JMJD1C: variants seen among roughly 807,000 people sequenced by gnomAD.
JMJD1C encodes jumonji domain containing 1C.
In JMJD1C, 31 loss-of-function variants were observed where a neutral mutation model predicts 245.3. The ratio of observed to expected loss-of-function variants is 0.13; its 90% CI spans 0.09 to 0.17. JMJD1C has a LOEUF of 0.17. JMJD1C is among the 10% of genes least tolerant of loss of function. JMJD1C has a pLI of 1.00. For synonymous variants in JMJD1C, 1,057 were observed against 1,017.4 expected, an observed-to-expected ratio of 1.04 and a Z score of -0.74; for missense variants, 2,691 against 3,000.2, an observed-to-expected ratio of 0.90 and a Z score of 2.41.
At position 63,291,391 on chromosome 10, in the gene JMJD1C, C is replaced by T. The variant is rs187827710; in HGVS notation, c.334-26627G>A. Among the ~76,000 whole-genome samples, 398 of 148,126 alleles carry T rather than the reference C, an allele frequency of 2.7e-3. 3 individuals carry two copies. The South Asian group carries it at 0.03, about 11-fold the overall frequency. On this transcript the variant is annotated intron_variant, in intron 2 of 25. Coordinates refer to ENST00000399262, the MANE Select transcript of JMJD1C (RefSeq NM_032776.3). ...CAACACTTTGGGAGGCCAAGGTGGG[C>T]GGATCACAAGGTCACGAGATCAAGA...
chr10:63,243,178 G>C (rs1851742593), intron 3 of JMJD1C, among the ~76,000 whole-genome samples: 1 of 147,350 alleles, frequency 6.8e-6, no homozygotes, highest in Non-Finnish European at 1.5e-5. Context: ...ATAGAATTTA[G>C]TAACTTATTC....
At chr10:63,441,443 T>C (rs1017902475) in intron 1 of JMJD1C, among the ~76,000 whole-genome samples, 1 of 152,176 alleles carries the variant, frequency 6.6e-6, no homozygotes, top group Non-Finnish European at 1.5e-5. Flanking sequence ...TTACAAAGTT[T>C]CCATGGGGAC....
At chr10:63,367,341 G>T (rs1391715264) in intron 2 of JMJD1C, among the ~76,000 whole-genome samples, 2 of 152,100 alleles carry the variant, frequency 1.3e-5, no homozygotes, top group Non-Finnish European at 2.9e-5. Flanking sequence ...CCACCTTCCA[G>T]GTTCGAGCAA....
chr10:63,351,917 A>G (rs929868535), intron 2 of JMJD1C, among the ~76,000 whole-genome samples: 2 of 152,232 alleles, frequency 1.3e-5, no homozygotes, highest in African/African-American at 4.8e-5. Context: ...CAAGGCCATC[A>G]GTGCCATCTC....
chr10:63,447,454 T>G (rs1422366870), intron 1 of JMJD1C, among the ~76,000 whole-genome samples: 1 of 152,256 alleles, frequency 6.6e-6, no homozygotes, highest in Non-Finnish European at 1.5e-5. Flanking sequence ...TTTTTATTTT[T>G]GTCTGTAATA....
chr10:63,264,892 T>C, intron 2 of JMJD1C, 128 bp from the exon 3 acceptor site: 1 of 498,282 alleles, frequency 2.0e-6, no homozygotes, highest in East Asian at 3.5e-5. Context: ...CTAATATTAA[T>C]TTTCATATTA....
intron 1 of JMJD1C, among the ~76,000 whole-genome samples, chr10:63,411,594 C>A (rs539024850): frequency 2.1e-5 from 3 of 141,404 alleles, no homozygotes; most frequent in African/African-American, 7.8e-5. Context: ...CCACCACACT[C>A]GGCCTGATTT....
At chr10:63,392,642 C>A (rs148264371) in intron 1 of JMJD1C, among the ~76,000 whole-genome samples, 1 of 151,578 alleles carries the variant, frequency 6.6e-6, no homozygotes, top group Middle Eastern at 3.4e-3. Flanking sequence ...CTGGCCAACA[C>A]GGTGAAACCC....
At chr10:63,265,175 T>C (rs1025108837) in intron 2 of JMJD1C, among the ~76,000 whole-genome samples, 1 of 152,138 alleles carries the variant, frequency 6.6e-6, no homozygotes, top group African/African-American at 2.4e-5. Flanking sequence ...ATTATTTCAA[T>C]GTACACTTTT....
intron 1 of JMJD1C, among the ~76,000 whole-genome samples, chr10:63,389,883 A>G (rs1947917835): frequency 6.6e-6 from 1 of 152,144 alleles, no homozygotes; most frequent in Non-Finnish European, 1.5e-5. Context: ...TCTAGAGAAT[A>G]TTTAATAAAG....
At chr10:63,521,514 G>T in intron 1 of JMJD1C, 8 of 1,389,416 alleles carry the variant, frequency 5.8e-6, no homozygotes, top group Non-Finnish European at 7.6e-6. Context: ...GCGCCCACCC[G>T]CCCCGGACGT....
intron 2 of JMJD1C, among the ~76,000 whole-genome samples, chr10:63,294,660 C>T (rs1435470498): frequency 6.6e-6 from 1 of 152,170 alleles, no homozygotes; most frequent in African/African-American, 2.4e-5. Context: ...AAAATTAATC[C>T]TTTCCTGCTT....
intron 1 of JMJD1C, among the ~76,000 whole-genome samples, chr10:63,432,744 A>T (rs1452647906): frequency 1.3e-5 from 2 of 152,252 alleles, no homozygotes; most frequent in East Asian, 3.8e-4. Flanking sequence ...ATACAAGTTC[A>T]TAATAAAAAC....
intron 1 of JMJD1C, among the ~76,000 whole-genome samples, chr10:63,503,337 A>G (rs1333675542): frequency 2.6e-5 from 4 of 152,218 alleles, no homozygotes; most frequent in Non-Finnish European, 5.9e-5. Flanking sequence ...CCTAATTAGA[A>G]TCTTTTGCTA....
chr10:63,170,336 T>C (rs1006335720), intron 24 of JMJD1C, among the ~76,000 whole-genome samples: 2 of 152,212 alleles, frequency 1.3e-5, no homozygotes, highest in African/African-American at 2.4e-5. Flanking sequence ...TACCTTTCTG[T>C]TGAAAACTGG....
At chr10:63,328,903 C>G (rs117238782) in intron 2 of JMJD1C, among the ~76,000 whole-genome samples, 13 of 152,282 alleles carry the variant, frequency 8.5e-5, no homozygotes, top group Middle Eastern at 6.8e-3. Context: ...TTCACAAGAT[C>G]TAGGATTACA....
chr10:63,212,161 G>A (rs1373606746), intron 8 of JMJD1C, among the ~76,000 whole-genome samples: 1 of 152,138 alleles, frequency 6.6e-6, no homozygotes, highest in Non-Finnish European at 1.5e-5. Flanking sequence ...GTTGCCAAGG[G>A]CTGGCAGGGA....
intron 20 of JMJD1C, 119 bp downstream of exon 20, chr10:63,185,438 AGTTATT>A: frequency 1.4e-6 from 1 of 691,832 alleles, no homozygotes; most frequent in Non-Finnish European, 2.6e-6. Context: ...CTCAGCCTCA[AGTTATT>A]TATTTTTAAT....
chr10:63,413,792 A>T (rs1589700619), intron 1 of JMJD1C, among the ~76,000 whole-genome samples: 1 of 152,200 alleles, frequency 6.6e-6, no homozygotes, highest in South Asian at 2.1e-4. Flanking sequence ...AGAGTCAAAA[A>T]TGTTTGTGGT....
Sources: allele counts gnomAD v4.1 joint callset (sites outside exome capture counted in the v4.1 genomes callset), GRCh38; gene constraint gnomAD v4.1.1; transcripts MANE v1.5; gene names NCBI Gene and HGNC (gene_info 2026-07-23, HGNC 2026-07-21).